Variants in EXOC6B observed in about 807,000 individuals in gnomAD.
The protein encoded by EXOC6B is SEC15 homolog B.
In EXOC6B, 54 loss-of-function variants were observed where a neutral mutation model predicts 113.5. The ratio of observed to expected loss-of-function variants is 0.48; its 90% CI spans 0.38 to 0.60. EXOC6B has a LOEUF of 0.60. EXOC6B is among the 20% of genes least tolerant of loss of function. The pLI is 0.00. For missense variants in EXOC6B, 797 were observed against 977.5 expected (o/e 0.82, Z 2.46); for synonymous variants, 357 against 339.0 (o/e 1.05, Z -0.58).
At chr2:72,555,764 A>G (rs1703505580) in intron 8 of EXOC6B, among the ~76,000 whole-genome samples, 1 of 152,236 alleles carries the variant, frequency 6.6e-6, no homozygotes, top group Non-Finnish European at 1.5e-5. Context: ...TTCCTGCCTC[A>G]GCCTCCTGAG....
chr2:72,748,852 A>T (rs1385828234), intron 1 of EXOC6B, among the ~76,000 whole-genome samples: 9 of 152,014 alleles, frequency 5.9e-5, no homozygotes, highest in Non-Finnish European at 8.8e-5. Context: ...GAGAAGGGGG[A>T]ATTGTCCCAA....
chr2:72,623,862 C>T (rs1412782600), intron 6 of EXOC6B, among the ~76,000 whole-genome samples: 2 of 152,164 alleles, frequency 1.3e-5, no homozygotes, highest in East Asian at 3.9e-4. Context: ...TGTAACCTTC[C>T]CATAAACTCC....
chr2:72,218,461 T>C (rs1680670690), intron 20 of EXOC6B, among the ~76,000 whole-genome samples: 1 of 152,214 alleles, frequency 6.6e-6, no homozygotes. Context: ...TATATGTATG[T>C]ATTTATAACA....
chr2:72,515,827 A>T, intron 8 of EXOC6B: 1 of 671,582 alleles, frequency 1.5e-6, no homozygotes, highest in Non-Finnish European at 1.8e-6. Flanking sequence ...GGCCATTGTG[A>T]TGTAATTGGT....
chr2:72,434,451 T>G (rs899767062), intron 18 of EXOC6B, among the ~76,000 whole-genome samples: 11 of 152,202 alleles, frequency 7.2e-5, no homozygotes, highest in Admixed American at 4.6e-4. Flanking sequence ...CCTCTTTTAC[T>G]ATTGGTTGGA....
chr2:72,726,206 T>C (rs1271281496), intron 5 of EXOC6B, among the ~76,000 whole-genome samples: 1 of 152,148 alleles, frequency 6.6e-6, no homozygotes, highest in African/African-American at 2.4e-5. Context: ...GAAAGTAGAT[T>C]AGTGGTTGCC....
At chr2:72,814,197 C>G (rs1053099997) in intron 1 of EXOC6B, among the ~76,000 whole-genome samples, 1 of 152,092 alleles carries the variant, frequency 6.6e-6, no homozygotes, top group Non-Finnish European at 1.5e-5. Flanking sequence ...TGAAAGAGAG[C>G]CTATATTTTA....
chr2:72,182,810 T>C, intron 21 of EXOC6B: 2 of 962,006 alleles, frequency 2.1e-6, no homozygotes, highest in Non-Finnish European at 2.7e-6. Flanking sequence ...CTAGGGATTT[T>C]AGTGTAGTCA....
chr2:72,373,611 TAACTATTACTCAAAAG>T (rs1691173583), intron 19 of EXOC6B, among the ~76,000 whole-genome samples: 1 of 152,264 alleles, frequency 6.6e-6, no homozygotes, highest in Admixed American at 6.5e-5. Flanking sequence ...AAGAATTGAA[TAACTATTACTCAAAAG>T]AACACATACA....
chr2:72,385,095 G>T (rs1691921066), intron 18 of EXOC6B, among the ~76,000 whole-genome samples: 1 of 152,012 alleles, frequency 6.6e-6, no homozygotes, highest in Non-Finnish European at 1.5e-5. Context: ...CTGTCACATA[G>T]TCTGATTTCA....
rs182278848 is a variant in EXOC6B, at chr2:72,629,754, A to G, written c.670-54086T>C. The stretch of plus-strand genomic sequence containing the variant: ...CAATGATGTATAAAACAATGTTAAA[A>G]ATGAAGAATAGTTACAAGAAGTGAA... On this transcript the variant is annotated intron_variant, in intron 6 of 21. Transcript: ENST00000272427. Among the ~76,000 whole-genome samples the G allele has an allele frequency of 2.0e-5, 3 of 152,320 alleles. No homozygotes were observed. The East Asian group carries it at 5.8e-4, about 29-fold the overall frequency.
At chr2:72,248,071 C>T (rs535797467) in intron 20 of EXOC6B, among the ~76,000 whole-genome samples, 1 of 152,298 alleles carries the variant, frequency 6.6e-6, no homozygotes, top group East Asian at 1.9e-4. Context: ...TTGGTTTGTT[C>T]TCTAACCTCT....
At chr2:72,576,970 T>C (rs1704911244) in intron 6 of EXOC6B, among the ~76,000 whole-genome samples, 1 of 152,000 alleles carries the variant, frequency 6.6e-6, no homozygotes, top group Non-Finnish European at 1.5e-5. Flanking sequence ...CTGCATAAGG[T>C]TAATGAAATG....
At chr2:72,566,282 T>G (rs922451689) in intron 7 of EXOC6B, among the ~76,000 whole-genome samples, 2 of 152,210 alleles carry the variant, frequency 1.3e-5, no homozygotes, top group African/African-American at 2.4e-5. Context: ...TCATATAGCA[T>G]GTAGCCTTTT....
At chr2:72,799,994 G>C (rs890269653) in intron 1 of EXOC6B, among the ~76,000 whole-genome samples, 1 of 152,132 alleles carries the variant, frequency 6.6e-6, no homozygotes, top group African/African-American at 2.4e-5. Flanking sequence ...GAGCCCTGGA[G>C]GCAGAGGCTG....
At chr2:72,365,283 G>T (rs1374512207) in intron 19 of EXOC6B, among the ~76,000 whole-genome samples, 2 of 151,432 alleles carry the variant, frequency 1.3e-5, no homozygotes, top group Non-Finnish European at 2.9e-5. Context: ...GTATTCACTT[G>T]ATTCTGCTAC....
chr2:72,583,499 A>G (rs1705352984), intron 6 of EXOC6B, among the ~76,000 whole-genome samples: 1 of 152,244 alleles, frequency 6.6e-6, no homozygotes, highest in African/African-American at 2.4e-5. Flanking sequence ...TGGGGCTAAC[A>G]GTGAACTTCT....
chr2:72,602,895 C>T (rs1363649115), intron 6 of EXOC6B, among the ~76,000 whole-genome samples: 2 of 152,128 alleles, frequency 1.3e-5, no homozygotes, highest in African/African-American at 4.8e-5. Flanking sequence ...AAAATGACAG[C>T]TTCTAGGAGA....
At chr2:72,748,429 C>T (rs1029352078) in intron 1 of EXOC6B, among the ~76,000 whole-genome samples, 3 of 152,014 alleles carry the variant, frequency 2.0e-5, no homozygotes, top group African/African-American at 7.2e-5. Context: ...CTTCTCCTTA[C>T]TTCAGTTTGT....
Sources: allele counts gnomAD v4.1 joint callset (sites outside exome capture counted in the v4.1 genomes callset), GRCh38; gene constraint gnomAD v4.1.1; transcripts MANE v1.5; gene names NCBI Gene and HGNC (gene_info 2026-07-23, HGNC 2026-07-21).